Variants in DUS2 observed in about 807,000 individuals in gnomAD.
The protein encoded by DUS2 is tRNA-dihydrouridine(20) synthase [NAD(P)+]-like.
A neutral mutation model predicts 71.3 loss-of-function variants in DUS2; 52 were observed. The observed-to-expected ratio is 0.73, with a 90% CI of 0.58 to 0.92. The LOEUF (loss-of-function observed/expected upper bound fraction) is 0.92. Ranked by LOEUF, DUS2 falls within the 40% of genes least tolerant of loss-of-function variation. The probability of loss-of-function intolerance (pLI) is 0.00; values close to 1 mark genes in which losing one functional copy is unlikely to be tolerated. For missense variants in DUS2, 558 were observed against 622.6 expected, an observed-to-expected ratio of 0.90 and a Z score of 1.10; for synonymous variants, 204 against 227.8, an observed-to-expected ratio of 0.90 and a Z score of 0.94.
intron 4 of DUS2, among the ~76,000 whole-genome samples, chr16:68,050,343 G>A (rs1028750040): frequency 4.6e-5 from 7 of 152,044 alleles, no homozygotes; most frequent in Non-Finnish European, 8.8e-5. Flanking sequence ...TCACCATGGC[G>A]GCCAGTCTGG....
At chr16:68,051,367 T>G (rs2033776524) in intron 4 of DUS2, among the ~76,000 whole-genome samples, 1 of 152,176 alleles carries the variant, frequency 6.6e-6, no homozygotes. Context: ...TCCATAACTT[T>G]GTTTTATGTG....
chr16:68,065,660 A>C (rs1393509141), intron 8 of DUS2, among the ~76,000 whole-genome samples: 1 of 150,976 alleles, frequency 6.6e-6, no homozygotes, highest in Non-Finnish European at 1.5e-5. Flanking sequence ...AACAAACAAA[A>C]AGGAAACAGG....
chr16:68,078,162 C>T, intron 15 of DUS2: 1 of 442,464 alleles, frequency 2.3e-6, no homozygotes, highest in Admixed American at 3.6e-5. Flanking sequence ...ATTTTGGGGA[C>T]CTGGCCTATC....
intron 2 of DUS2, among the ~76,000 whole-genome samples, chr16:68,027,783 C>CTCCT (rs1567467386): frequency 6.6e-6 from 1 of 152,144 alleles, no homozygotes; most frequent in Non-Finnish European, 1.5e-5. Context: ...GAGAAGGCTT[C>CTCCT]CAGGAGGAGG....
intron 7 of DUS2, among the ~76,000 whole-genome samples, chr16:68,056,931 CAT>C (rs1056743777): frequency 7.1e-6 from 1 of 140,028 alleles, no homozygotes; most frequent in East Asian, 2.0e-4. Context: ...TAATAATACA[CAT>C]ATATGTAATT....
intron 16 of DUS2, 34 bp downstream of exon 16, chr16:68,078,552 G>T (rs2034191468): frequency 1.2e-6 from 2 of 1,606,714 alleles, no homozygotes; most frequent in Admixed American, 1.7e-5. Context: ...GGAGGCTTGG[G>T]GTGGGGCGGA....
intron 3 of DUS2, 58 bp downstream of exon 3, chr16:68,038,207 T>C: frequency 2.5e-6 from 4 of 1,603,518 alleles, no homozygotes; most frequent in Non-Finnish European, 3.4e-6. Flanking sequence ...CCTCTTCATT[T>C]GTGTGTGGGA....
rs2034202328 is a variant in DUS2 at position 68,079,123 on chromosome 16, A to G, written c.*137A>G. 1.2e-6 allele frequency: 1 copy of G among 830,840 alleles called. No individual in the cohort carries two copies. The allele number at this position is 830,840 out of a possible 1,614,324, so 51.5% of individuals were successfully genotyped here. ...GTTAGATGTCCTGGCAGGGGCCATC[A>G]GCCTAGAGCATGGACCAGGGGCCGC... On this transcript the variant is annotated 3_prime_UTR_variant, in exon 17 of 17. Coordinates refer to ENST00000565263, the MANE Select transcript of DUS2 (RefSeq NM_017803.5).
intron 12 of DUS2, among the ~76,000 whole-genome samples, chr16:68,073,419 G>A (rs1040716272): frequency 3.3e-5 from 5 of 149,860 alleles, no homozygotes; most frequent in Non-Finnish European, 7.4e-5. Context: ...CTACAGGTGT[G>A]TGCCAACATG....
intron 6 of DUS2, 76 bp downstream of exon 6, chr16:68,054,693 T>C: frequency 3.9e-6 from 6 of 1,539,240 alleles, no homozygotes; most frequent in Non-Finnish European, 4.5e-6. Flanking sequence ...CTGGTGACTT[T>C]GTAGGTGACT....
intron 16 of DUS2, 102 bp from the exon 17 acceptor site, chr16:68,078,647 T>C: frequency 6.7e-7 from 1 of 1,486,950 alleles, no homozygotes; most frequent in African/African-American, 1.4e-5. Context: ...CCCTGGATGG[T>C]GACCCCTTAC....
intron 12 of DUS2, among the ~76,000 whole-genome samples, chr16:68,071,638 C>CTTTT (rs377115620): frequency 2.2e-5 from 3 of 135,428 alleles, no homozygotes; most frequent in Admixed American, 7.5e-5. Flanking sequence ...TAGGGAATAG[C>CTTTT]TTTTTTTTTT....
At chr16:68,038,482 C>T (rs1344237292) in intron 3 of DUS2, among the ~76,000 whole-genome samples, 1 of 152,084 alleles carries the variant, frequency 6.6e-6, no homozygotes, top group Admixed American at 6.6e-5. Context: ...GTAATCCCAG[C>T]ACTTTGGGAG....
At chr16:68,047,221 A>T (rs1407417677) in intron 3 of DUS2, among the ~76,000 whole-genome samples, 1 of 140,240 alleles carries the variant, frequency 7.1e-6, no homozygotes, top group Admixed American at 7.3e-5. Context: ...ACGCCTGACT[A>T]ATTTTTGTAT....
chr16:68,043,689 G>C (rs1431825699), intron 3 of DUS2, among the ~76,000 whole-genome samples: 1 of 151,674 alleles, frequency 6.6e-6, no homozygotes, highest in East Asian at 1.9e-4. Context: ...TTTTGAGATG[G>C]AGTCTTGCTC....
intron 8 of DUS2, among the ~76,000 whole-genome samples, chr16:68,065,817 T>TA (rs1683385406): frequency 6.6e-6 from 1 of 151,562 alleles, no homozygotes; most frequent in Non-Finnish European, 1.5e-5. Context: ...TTTTTTTTTT[T>TA]AGCCGTGTGT....
At chr16:68,033,813 G>A (rs546372004) in intron 2 of DUS2, among the ~76,000 whole-genome samples, 7 of 151,944 alleles carry the variant, frequency 4.6e-5, no homozygotes, top group African/African-American at 1.7e-4. Context: ...TGTATTTTTA[G>A]TAGAGATGGG....
At chr16:68,057,936 A>G (rs1351664618) in intron 7 of DUS2, among the ~76,000 whole-genome samples, 3 of 151,216 alleles carry the variant, frequency 2.0e-5, no homozygotes, top group African/African-American at 4.9e-5. Flanking sequence ...TTGTCGTATC[A>G]GAAGAGATCA....
intron 4 of DUS2, among the ~76,000 whole-genome samples, chr16:68,051,034 A>C (rs2033771486): frequency 6.6e-6 from 1 of 152,174 alleles, no homozygotes; most frequent in African/African-American, 2.4e-5. Context: ...TAATAAAACC[A>C]TCCATGTATG....
Sources: gnomAD v4.1 joint callset for allele counts (sites outside exome capture counted in the v4.1 genomes callset) on GRCh38, gnomAD v4.1.1 for gene constraint, MANE v1.5 for transcripts, NCBI Gene and HGNC (gene_info 2026-07-23, HGNC 2026-07-21) for gene names.